Variants in RBFOX3 observed in about 807,000 individuals in gnomAD.
The protein encoded by RBFOX3 is RNA binding fox-1 homolog 3.
A neutral mutation model predicts 48.7 loss-of-function variants in RBFOX3; 17 were observed. The observed-to-expected ratio is 0.35, with a 90% CI of 0.24 to 0.52. The LOEUF is 0.52. Ranked by LOEUF, RBFOX3 falls within the 20% of genes least tolerant of loss-of-function variation. RBFOX3 has a pLI of 0.94. For missense variants in RBFOX3, 382 were observed against 497.5 expected (o/e 0.77, Z 2.21); for synonymous variants, 212 against 209.5 (o/e 1.01, Z -0.10).
Position 79,254,837 on chromosome 17 carries a change from G to A in RBFOX3, c.-73-19032C>T, listed in dbSNP as rs955327245. 6.6e-6 allele frequency among the ~76,000 whole-genome samples: 1 copy of A among 152,152 alleles called. No individual in the cohort carries two copies. Among genetic ancestry groups the A allele is most frequent in the Non-Finnish European group, 1.5e-5 (1 of 68,020 alleles). The stretch of plus-strand genomic sequence containing the variant: ...GAAGTGCTGGATGGCCCAGGTTATG[G>A]CCACTTGGCTATCACCATGGGCTGG... On this transcript the variant is annotated intron_variant, in intron 3 of 14. Transcript: ENST00000693108. The surrounding 1 kb of genome is among the most constrained non-coding windows in gnomAD (Gnocchi z 4.8).
chr17:79,242,460 T>A lies in RBFOX3; in HGVS notation c.-73-6655A>T, dbSNP rs1425613576. On this transcript the variant is annotated intron_variant, in intron 3 of 14. Coordinates refer to ENST00000693108, the MANE Select transcript of RBFOX3 (RefSeq NM_001350451.2). The surrounding 1 kb of genome is among the most constrained non-coding windows in gnomAD (Gnocchi z 5.8). ...GCTTAAACCTGGCTTGTGATGACGG[T>A]GATCAGAGCAGGAGAGCCACATCTA... Among the ~76,000 whole-genome samples, 3 of 152,052 alleles carry A rather than the reference T, an allele frequency of 2.0e-5. No homozygotes were observed. Among genetic ancestry groups the A allele is most frequent in the Non-Finnish European group, 4.4e-5 (3 of 68,008 alleles).
intron 4 of RBFOX3, among the ~76,000 whole-genome samples, chr17:79,229,187 C>T (rs1361389877): frequency 1.5e-5 from 2 of 134,912 alleles, no homozygotes; most frequent in Non-Finnish European, 3.1e-5. Context: ...CGAGACTGTG[C>T]CATCGCACTC....
At chr17:79,639,349 G>C in the RBFOX3 span, among the ~76,000 whole-genome samples, 2 of 151,524 alleles carry the variant, frequency 1.3e-5, no homozygotes, top group Non-Finnish European at 2.9e-5. Flanking sequence ...TAATTTTTTT[G>C]GTATTTTTAG....
chr17:79,619,459 C>T, the RBFOX3 span, among the ~76,000 whole-genome samples: 2 of 152,170 alleles, frequency 1.3e-5, no homozygotes, highest in African/African-American at 2.4e-5. Flanking sequence ...CTTGTGGCTG[C>T]GTCTCTCTGA....
chr17:79,598,925 C>T (rs2093637113), intron 1 of RBFOX3: 3 of 152,258 alleles, frequency 2.0e-5, no homozygotes, highest in Middle Eastern at 6.8e-3. Flanking sequence ...CACAGAGTCC[C>T]AGGCAGGTCT....
At position 79,199,167 on chromosome 17, in the gene RBFOX3, G is replaced by A. The variant is rs2056308378; in HGVS notation, c.-34+36599C>T. On this transcript the variant is annotated intron_variant, in intron 4 of 14. Coordinates refer to ENST00000693108, the MANE Select transcript of RBFOX3 (RefSeq NM_001350451.2). The surrounding 1 kb of genome is among the most constrained non-coding windows in gnomAD (Gnocchi z 5.1). The stretch of plus-strand genomic sequence containing the variant: ...AAGGGTGCAGCTGTGGTCATAGGGT[G>A]GGGATGGGAAGGCAGACTCTGGCTG... Among the ~76,000 whole-genome samples the A allele has an allele frequency of 6.6e-6, 1 of 152,160 alleles. No homozygotes were observed. Among genetic ancestry groups the A allele is most frequent in the Admixed American group, 6.5e-5 (1 of 15,276 alleles).
intron 5 of RBFOX3, among the ~76,000 whole-genome samples, chr17:79,107,366 C>A (rs577782444): frequency 1.3e-5 from 2 of 152,230 alleles, no homozygotes; most frequent in Non-Finnish European, 2.9e-5. Flanking sequence ...CAAGGCAGGG[C>A]GTGGCCAAGT....
intron 1 of RBFOX3, among the ~76,000 whole-genome samples, chr17:79,594,174 G>A (rs1452221905): frequency 1.3e-5 from 2 of 152,126 alleles, no homozygotes; most frequent in African/African-American, 4.8e-5. Context: ...CTTCTCCACT[G>A]GAAGTAGAAG....
intron 4 of RBFOX3, among the ~76,000 whole-genome samples, chr17:79,158,946 T>C (rs531638418): frequency 6.6e-6 from 1 of 152,244 alleles, no homozygotes; most frequent in African/African-American, 2.4e-5. Flanking sequence ...GAGTGTGCTG[T>C]AAGCCCCAAC....
At position 79,391,793 on chromosome 17, in the gene RBFOX3, C is replaced by T. The variant is rs964999091; in HGVS notation, c.-174-83969G>A. On this transcript the variant is annotated intron_variant, in intron 2 of 14. Coordinates refer to ENST00000693108, the MANE Select transcript of RBFOX3 (RefSeq NM_001350451.2). This position sits in a 1 kb window ranked among gnomAD's most constrained non-coding sequence, Gnocchi z 5.0. ...CCAGGACCACCAACATGCATGACAA[C>T]GAGAACCAGTACGCATGTGTTTGGG... Among the ~76,000 whole-genome samples, 2 of 152,060 alleles carry T rather than the reference C, an allele frequency of 1.3e-5. No homozygotes were observed. Among genetic ancestry groups the T allele is most frequent in the Non-Finnish European group, 2.9e-5 (2 of 68,018 alleles).
intron 5 of RBFOX3, among the ~76,000 whole-genome samples, chr17:79,114,439 C>T (rs760634594): frequency 6.6e-6 from 1 of 152,170 alleles, no homozygotes; most frequent in Non-Finnish European, 1.5e-5. Flanking sequence ...AGATGAGGGT[C>T]GGGTCCAGCC....
chr17:79,506,810 C>T lies in RBFOX3; in HGVS notation c.-319-24212G>A, dbSNP rs973478144. 1.1e-3 allele frequency among the ~76,000 whole-genome samples: 165 copies of T among 152,260 alleles called. 1 individual carries two copies. Among genetic ancestry groups the T allele is most frequent in the Admixed American group, 2.4e-3 (37 of 15,298 alleles). On this transcript the variant is annotated intron_variant, in intron 1 of 14. Transcript: ENST00000693108. ...GCCGCAGAGGAGCGGCGGCCGCTTC[C>T]GGCAGAACATGGAATCCTGACGCAG...
intron 4 of RBFOX3, among the ~76,000 whole-genome samples, chr17:79,156,645 C>G (rs1360629620): frequency 6.6e-6 from 1 of 152,216 alleles, no homozygotes; most frequent in Non-Finnish European, 1.5e-5. Flanking sequence ...CCTGGCCACA[C>G]CCCCTCACTC....
chr17:79,517,964 G>A (rs922131473), intron 1 of RBFOX3, among the ~76,000 whole-genome samples: 23 of 152,234 alleles, frequency 1.5e-4, no homozygotes, highest in South Asian at 6.2e-4. Flanking sequence ...GGAGGCAGCC[G>A]GAGAAACCGA....
At chr17:79,310,728 A>G (rs2076735668) in intron 2 of RBFOX3, among the ~76,000 whole-genome samples, 1 of 152,168 alleles carries the variant, frequency 6.6e-6, no homozygotes, top group Non-Finnish European at 1.5e-5. Context: ...GGCACAGACA[A>G]GTCACCCCCA....
Position 79,198,757 on chromosome 17 carries a change from C to T in RBFOX3, c.-34+37009G>A, listed in dbSNP as rs1182451557. The stretch of plus-strand genomic sequence containing the variant: ...TCTCCTGCCTCAGCCTCCCAAGTAG[C>T]TGGGATTATAGGCATGTGCCACCAC... On this transcript the variant is annotated intron_variant, in intron 4 of 14. Transcript: ENST00000693108. This position sits in a 1 kb window ranked among gnomAD's most constrained non-coding sequence, Gnocchi z 8.2. 6.6e-6 allele frequency among the ~76,000 whole-genome samples: 1 copy of T among 152,102 alleles called. No individual in the cohort carries two copies. Among genetic ancestry groups the T allele is most frequent in the Non-Finnish European group, 1.5e-5 (1 of 68,028 alleles).
intron 2 of RBFOX3, among the ~76,000 whole-genome samples, chr17:79,424,359 G>A (rs1206013509): frequency 2.0e-5 from 3 of 152,150 alleles, no homozygotes; most frequent in African/African-American, 7.2e-5. Context: ...CAGCCAGGAA[G>A]CCCCTGCCCC....
chr17:79,330,121 A>G (rs996012035), intron 2 of RBFOX3, among the ~76,000 whole-genome samples: 1 of 152,196 alleles, frequency 6.6e-6, no homozygotes, highest in Non-Finnish European at 1.5e-5. Context: ...GTGTGTGTGC[A>G]GGTGCGTGTG....
chr17:79,481,609 G>A lies in RBFOX3; in HGVS notation c.-175+845C>T, dbSNP rs2078788735. Among the ~76,000 whole-genome samples, 1 of 152,118 alleles carries A rather than the reference G, an allele frequency of 6.6e-6. No homozygotes were observed. ...CTCCCCACCTCAGGGGAGCAGAGAG[G>A]GCTAGAGACAGCTCAGTCACGTGGC... On this transcript the variant is annotated intron_variant, in intron 2 of 14. Transcript: ENST00000693108. This position sits in a 1 kb window ranked among gnomAD's most constrained non-coding sequence, Gnocchi z 5.4.
Sources: allele counts gnomAD v4.1 joint callset (sites outside exome capture counted in the v4.1 genomes callset), GRCh38; gene constraint gnomAD v4.1.1; non-coding constraint Gnocchi (gnomAD v3.1); transcripts MANE v1.5; gene names NCBI Gene and HGNC (gene_info 2026-07-23, HGNC 2026-07-21).